OMA1: variants seen among roughly 807,000 people sequenced by gnomAD.
OMA1 encodes OMA1 zinc metallopeptidase.
OMA1 carries 38 observed loss-of-function variants against 30.9 expected under a neutral mutation model. The ratio of observed to expected loss-of-function variants is 1.23; its 90% confidence interval spans 0.95 to 1.61. The LOEUF (loss-of-function observed/expected upper bound fraction) is 1.61, where lower values mean the gene tolerates loss of function less well. OMA1 is among the 40% of genes most tolerant of loss of function. OMA1 has a pLI of 0.00. For missense variants in OMA1, 461 were observed against 349.2 expected, an observed-to-expected ratio of 1.32 and a Z score of -2.55; for synonymous variants, 173 against 121.9, an observed-to-expected ratio of 1.42 and a Z score of -2.76.
intron 5 of OMA1, among the ~76,000 whole-genome samples, chr1:58,533,007 A>G (rs887599253): frequency 6.6e-6 from 1 of 152,234 alleles, no homozygotes; most frequent in Non-Finnish European, 1.5e-5. Flanking sequence ...AGTTAATGTT[A>G]CTTGTATTTC....
intron 1 of OMA1, among the ~76,000 whole-genome samples, chr1:58,541,315 A>G (rs1415807222): frequency 3.2e-5 from 4 of 126,344 alleles, no homozygotes; most frequent in African/African-American, 6.5e-5. Context: ...AAAAAAAAAA[A>G]AAAAAAAAAA....
intron 7 of OMA1, among the ~76,000 whole-genome samples, chr1:58,526,952 T>A (rs953252817): frequency 1.3e-5 from 2 of 152,138 alleles, no homozygotes; most frequent in African/African-American, 4.8e-5. Context: ...TCAAAAAATT[T>A]ATACACGCAA....
At chr1:58,538,661 G>A in intron 2 of OMA1, 134 bp downstream of exon 2, 1 of 503,290 alleles carries the variant, frequency 2.0e-6, no homozygotes, top group Non-Finnish European at 3.5e-6. Context: ...GGGGGAGACA[G>A]GGGATCTGGC....
At chr1:58,499,506 ATAAATAG>A (rs1237760302) in intron 8 of OMA1, among the ~76,000 whole-genome samples, 5 of 135,436 alleles carry the variant, frequency 3.7e-5, no homozygotes, top group Non-Finnish European at 6.3e-5. Context: ...AGATAGATAG[ATAAATAG>A]ATAGATAGAT....
intron 5 of OMA1, among the ~76,000 whole-genome samples, chr1:58,533,231 A>T (rs975815005): frequency 1.3e-5 from 2 of 152,220 alleles, no homozygotes; most frequent in Admixed American, 6.5e-5. Context: ...TATGATCTAT[A>T]AGAAAAGCGC....
At chr1:58,510,336 C>T (rs1646054052) in intron 7 of OMA1, among the ~76,000 whole-genome samples, 1 of 152,010 alleles carries the variant, frequency 6.6e-6, no homozygotes, top group Non-Finnish European at 1.5e-5. Flanking sequence ...ACACAAAAAT[C>T]AATTAATGTG....
chr1:58,515,477 T>C (rs1569930101), intron 7 of OMA1, among the ~76,000 whole-genome samples: 1 of 152,216 alleles, frequency 6.6e-6, no homozygotes, highest in East Asian at 1.9e-4. Flanking sequence ...GGTAAAGTTT[T>C]ATCATAAGAC....
At chr1:58,502,162 A>G (rs570589803) in intron 8 of OMA1, among the ~76,000 whole-genome samples, 128 of 152,362 alleles carry the variant, frequency 8.4e-4, no homozygotes, top group African/African-American at 2.9e-3. Context: ...AAGGGATCCA[A>G]TAAGAAATAA....
intron 7 of OMA1, among the ~76,000 whole-genome samples, chr1:58,510,009 A>G (rs1646049328): frequency 1.3e-5 from 2 of 152,142 alleles, no homozygotes; most frequent in Admixed American, 6.5e-5. Flanking sequence ...CCTCCCAACA[A>G]AGAAAAGCCC....
chr1:58,526,529 G>T (rs1416930167), intron 7 of OMA1, among the ~76,000 whole-genome samples: 2 of 149,944 alleles, frequency 1.3e-5, no homozygotes, highest in Non-Finnish European at 3.0e-5. Flanking sequence ...GCTGCCAGGT[G>T]CCCTGTTAAG....
intron 7 of OMA1, among the ~76,000 whole-genome samples, chr1:58,526,811 T>C (rs1314592295): frequency 1.3e-5 from 2 of 152,042 alleles, no homozygotes; most frequent in Non-Finnish European, 2.9e-5. Context: ...GGGTAAAATA[T>C]TGGAGTACTG....
At chr1:58,545,553 G>C (rs1022119111) in intron 1 of OMA1, among the ~76,000 whole-genome samples, 1 of 152,118 alleles carries the variant, frequency 6.6e-6, no homozygotes, top group African/African-American at 2.4e-5. Flanking sequence ...AAAGAGCTGT[G>C]GCAGGTCAAC....
At chr1:58,539,744 C>G (rs61781821) in intron 1 of OMA1, among the ~76,000 whole-genome samples, 21,490 of 152,156 alleles carry the variant, frequency 0.14, 1,743 homozygotes, top group African/African-American at 0.22. Context: ...TGATCCCTAA[C>G]AGATGGGAAA....
chr1:58,512,880 G>A (rs573077812), intron 7 of OMA1, among the ~76,000 whole-genome samples: 3 of 152,188 alleles, frequency 2.0e-5, no homozygotes, highest in Non-Finnish European at 2.9e-5. Context: ...ATTTAAGAGG[G>A]TAGATCTCAT....
chr1:58,500,300 C>T (rs1216765326), intron 8 of OMA1, among the ~76,000 whole-genome samples: 2 of 152,110 alleles, frequency 1.3e-5, no homozygotes, highest in East Asian at 1.9e-4. Context: ...CCTCAACACT[C>T]TCTATGTCAG....
At chr1:58,493,620 A>G (rs1645740559) in intron 8 of OMA1, among the ~76,000 whole-genome samples, 1 of 151,448 alleles carries the variant, frequency 6.6e-6, no homozygotes, top group African/African-American at 2.4e-5. Flanking sequence ...TTATACACCA[A>G]TAACAGACAA....
intron 8 of OMA1, among the ~76,000 whole-genome samples, chr1:58,493,177 C>A (rs1369095867): frequency 6.6e-6 from 1 of 152,178 alleles, no homozygotes; most frequent in Non-Finnish European, 1.5e-5. Flanking sequence ...ACATGATTAT[C>A]TCAATAGATG....
intron 8 of OMA1, among the ~76,000 whole-genome samples, chr1:58,486,616 C>A (rs1255736328): frequency 6.6e-6 from 1 of 152,152 alleles, no homozygotes; most frequent in East Asian, 1.9e-4. Flanking sequence ...AGGCCTTACA[C>A]ACTAGGGTAA....
Position 58,534,186 on chromosome 1 carries a change from G to C in OMA1, c.875C>G (p.Ser292Cys). Reference protein sequence around the residue: ...QINWVIHVVDSPIINAFVLPN... With the variant: ...QINWVIHVVDCPIINAFVLPN... ...AAGCACGAAGGCATTAATAATTGGG[G>C]AATCAACCACATGAATAACCCAATT... The change falls in exon 4 of 9, where the codon TCC (serine) becomes TGC (cysteine). Residue 292 changes from serine (S) to cysteine (C), a missense_variant. Coordinates refer to ENST00000371226, the MANE Select transcript of OMA1 (RefSeq NM_145243.5). 1 of 871,502 alleles carries C rather than the reference G, an allele frequency of 1.1e-6. No individual in the cohort carries two copies. Among genetic ancestry groups the C allele is most frequent in the South Asian group, 1.3e-5 (1 of 75,904 alleles). The allele number at this position is 871,502 out of a possible 1,614,324, so 54.0% of individuals were successfully genotyped here.
Sources: gnomAD v4.1 joint callset for allele counts (sites outside exome capture counted in the v4.1 genomes callset) on GRCh38, gnomAD v4.1.1 for gene constraint, MANE v1.5 for transcripts, NCBI Gene and HGNC (gene_info 2026-07-23, HGNC 2026-07-21) for gene names.